Variants in SLC35F1 observed in about 807,000 individuals in gnomAD.
The protein encoded by SLC35F1 is chromosome 6 open reading frame 169.
SLC35F1 carries 14 observed loss-of-function variants against 48.7 expected under a neutral mutation model. The ratio of observed to expected loss-of-function variants is 0.29; its 90% CI spans 0.19 to 0.45. SLC35F1 has a LOEUF of 0.45. SLC35F1 is among the 20% of genes least tolerant of loss of function. The probability of loss-of-function intolerance (pLI) is 1.00; values close to 1 mark genes in which losing one functional copy is unlikely to be tolerated. For synonymous variants in SLC35F1, 190 were observed against 202.2 expected (o/e 0.94, Z 0.51); for missense variants, 404 against 500.0 (o/e 0.81, Z 1.83).
chr6:117,954,285 C>T (rs2355792), intron 1 of SLC35F1, among the ~76,000 whole-genome samples: 119,781 of 151,826 alleles, frequency 0.79, 47,410 homozygotes, highest in South Asian at 0.89. Flanking sequence ...GACGGAGTTT[C>T]GCTCTTGTTG....
chr6:117,933,504 A>G (rs559024694), intron 1 of SLC35F1, among the ~76,000 whole-genome samples: 25 of 152,348 alleles, frequency 1.6e-4, no homozygotes, highest in Non-Finnish European at 3.2e-4. Flanking sequence ...CCCAAAAAGA[A>G]TAGTGGAGAA....
chr6:117,924,748 C>G (rs1015684246), intron 1 of SLC35F1, among the ~76,000 whole-genome samples: 31 of 151,952 alleles, frequency 2.0e-4, no homozygotes, highest in African/African-American at 7.3e-4. Flanking sequence ...GTGATAGAAA[C>G]TTGCTTTATA....
intron 1 of SLC35F1, among the ~76,000 whole-genome samples, chr6:118,014,909 C>T (rs777359572): frequency 1.2e-4 from 18 of 152,272 alleles, no homozygotes; most frequent in South Asian, 2.1e-4. Context: ...TATGGTTTGG[C>T]TGTGTCCCCA....
At chr6:118,182,888 C>T (rs895438944) in intron 2 of SLC35F1, among the ~76,000 whole-genome samples, 4 of 151,954 alleles carry the variant, frequency 2.6e-5, no homozygotes, top group African/African-American at 9.7e-5. Context: ...AAAATAACAC[C>T]TTGATGGTAT....
chr6:118,263,738 T>C (rs562816669), intron 3 of SLC35F1, among the ~76,000 whole-genome samples: 78 of 152,342 alleles, frequency 5.1e-4, no homozygotes, highest in Middle Eastern at 3.4e-3. Flanking sequence ...TTCTCTTTTC[T>C]ACTTCTCTAA....
chr6:118,277,017 G>A (rs1272555446), intron 5 of SLC35F1, among the ~76,000 whole-genome samples: 6 of 152,232 alleles, frequency 3.9e-5, no homozygotes, highest in Admixed American at 2.0e-4. Context: ...GGATCTCACC[G>A]GATCTCTGAA....
chr6:117,969,856 T>C (rs911282545), intron 1 of SLC35F1, among the ~76,000 whole-genome samples: 3 of 152,216 alleles, frequency 2.0e-5, no homozygotes, highest in African/African-American at 7.2e-5. Flanking sequence ...ATCATCCCTT[T>C]AGGATAAATT....
rs72963616 is a variant in SLC35F1 at position 118,151,020 on chromosome 6, A to T, written c.174-3425A>T. Among the ~76,000 whole-genome samples the T allele has an allele frequency of 7.5e-3, 1,138 of 152,268 alleles. 11 individuals carry two copies. The highest frequency in any genetic ancestry group is 0.02 in the Middle Eastern group (6 of 294). On this transcript the variant is annotated intron_variant, in intron 1 of 7. Transcript: ENST00000360388. ...TCTTAAAGGATGGCAGTGACTACAA[A>T]TTATGTCTTGTCAGTCCTCATTCTC...
intron 1 of SLC35F1, among the ~76,000 whole-genome samples, chr6:118,010,856 ACCT>A (rs1777235226): frequency 6.6e-6 from 1 of 152,000 alleles, no homozygotes; most frequent in African/African-American, 2.4e-5. Context: ...ACCCAGAATA[ACCT>A]CCTTCCTTTT....
chr6:118,119,292 C>G (rs556907333), intron 1 of SLC35F1, among the ~76,000 whole-genome samples: 1 of 152,228 alleles, frequency 6.6e-6, no homozygotes, highest in East Asian at 1.9e-4. Context: ...ATATTATTGG[C>G]TAGTCTACAA....
rs1776412149 is a variant in SLC35F1 at position 118,314,768 on chromosome 6, AC to A, written c.*518del. ...CCTGAGAAGTTTCCTTTTCCTAGGG[AC>A]CTGGTGGTTAATGGTTTCCTCTGTT... On this transcript the variant is annotated 3_prime_UTR_variant, in exon 8 of 8. Coordinates refer to ENST00000360388, the MANE Select transcript of SLC35F1 (RefSeq NM_001029858.4). 6.3e-6 allele frequency: 1 copy of A among 158,158 alleles called. No individual in the cohort carries two copies. The highest frequency in any genetic ancestry group is 1.9e-4 in the South Asian group (1 of 5,402). 9.8% of individuals were successfully genotyped at this position (158,158 alleles called of 1,614,324 possible).
chr6:118,218,090 C>G (rs756931994), intron 2 of SLC35F1, among the ~76,000 whole-genome samples: 1 of 152,042 alleles, frequency 6.6e-6, no homozygotes, highest in Non-Finnish European at 1.5e-5. Context: ...TTATAACATA[C>G]CATGGATGAG....
chr6:118,085,174 T>A (rs1162893452), intron 1 of SLC35F1, among the ~76,000 whole-genome samples: 1 of 152,096 alleles, frequency 6.6e-6, no homozygotes, highest in African/African-American at 2.4e-5. Flanking sequence ...AGAATTTGGG[T>A]CCACGTCAAA....
chr6:118,078,555 C>T (rs1772856226), intron 1 of SLC35F1, among the ~76,000 whole-genome samples: 1 of 152,116 alleles, frequency 6.6e-6, no homozygotes, highest in Admixed American at 6.6e-5. Flanking sequence ...AAAATTTATA[C>T]AATTGATCTT....
chr6:118,314,324 T>TAC lies in SLC35F1; in HGVS notation c.*73_*74insCA. 7.5e-7 allele frequency: 1 copy of TAC among 1,336,342 alleles called. No individual in the cohort carries two copies. Among genetic ancestry groups the TAC allele is most frequent in the Non-Finnish European group, 1.1e-6 (1 of 942,200 alleles). The allele number at this position is 1,336,342 out of a possible 1,614,324, so 82.8% of individuals were successfully genotyped here. ...TTGCCCATCATCTCTGTATTGTACA[T>TAC]AGAGAAAGGTATTTACTAGGTGCAG... On this transcript the variant is annotated 3_prime_UTR_variant, in exon 8 of 8. Coordinates refer to ENST00000360388, the MANE Select transcript of SLC35F1 (RefSeq NM_001029858.4).
intron 2 of SLC35F1, among the ~76,000 whole-genome samples, chr6:118,213,067 T>C (rs1321030957): frequency 6.6e-6 from 1 of 152,224 alleles, no homozygotes; most frequent in African/African-American, 2.4e-5. Context: ...CAAGTTTGAA[T>C]CCATCTGGGC....
At chr6:118,219,117 G>A (rs369213307) in intron 2 of SLC35F1, among the ~76,000 whole-genome samples, 28 of 152,230 alleles carry the variant, frequency 1.8e-4, no homozygotes, top group South Asian at 1.7e-3. Context: ...TAGTGCCACC[G>A]TTGGCACATA....
intron 1 of SLC35F1, among the ~76,000 whole-genome samples, chr6:117,967,050 A>C (rs1005865440): frequency 6.6e-6 from 1 of 152,200 alleles, no homozygotes; most frequent in African/African-American, 2.4e-5. Flanking sequence ...TAGCCCACTC[A>C]ATATTCCATT....
intron 2 of SLC35F1, among the ~76,000 whole-genome samples, chr6:118,221,812 A>G (rs930870757): frequency 6.6e-5 from 10 of 152,172 alleles, no homozygotes; most frequent in Non-Finnish European, 1.5e-4. Flanking sequence ...CTCAGATGTT[A>G]TATCATTTTA....
Sources: gnomAD v4.1 joint callset for allele counts (sites outside exome capture counted in the v4.1 genomes callset) on GRCh38, gnomAD v4.1.1 for gene constraint, MANE v1.5 for transcripts, NCBI Gene and HGNC (gene_info 2026-07-23, HGNC 2026-07-21) for gene names.